RGS9: variants seen among roughly 807,000 people sequenced by gnomAD.
RGS9 encodes the protein regulator of G-protein signalling 9.
A neutral mutation model predicts 102.0 loss-of-function variants in RGS9; 78 were observed. That is an observed-to-expected ratio of 0.76 (90% confidence interval 0.64 to 0.92). The LOEUF is 0.92. RGS9 is among the 40% of genes least tolerant of loss of function. The probability of loss-of-function intolerance (pLI) is 0.00; values close to 1 mark genes in which losing one functional copy is unlikely to be tolerated. For missense variants in RGS9, 833 were observed against 866.1 expected (o/e 0.96, Z 0.48); for synonymous variants, 353 against 318.6 (o/e 1.11, Z -1.15).
At chr17:65,171,031 T>C (rs1911398600) in intron 8 of RGS9, among the ~76,000 whole-genome samples, 1 of 152,038 alleles carries the variant, frequency 6.6e-6, no homozygotes, top group African/African-American at 2.4e-5. Context: ...AAACAAACCG[T>C]CAGTTCAATG....
At chr17:65,158,717 T>C in intron 3 of RGS9, 1 of 377,192 alleles carries the variant, frequency 2.7e-6, no homozygotes, top group Admixed American at 3.7e-5. Flanking sequence ...AGAAATGGAA[T>C]GAGTGGAAAG....
chr17:65,178,121 T>C (rs114441492), intron 9 of RGS9, among the ~76,000 whole-genome samples: 148 of 152,286 alleles, frequency 9.7e-4, no homozygotes, highest in African/African-American at 3.4e-3. Context: ...AGTTATGAGC[T>C]CATTCCACTC....
At chr17:65,222,079 A>G (rs1913722413) in intron 17 of RGS9, among the ~76,000 whole-genome samples, 1 of 152,218 alleles carries the variant, frequency 6.6e-6, no homozygotes, top group South Asian at 2.1e-4. Flanking sequence ...TTCCAAGCTC[A>G]TTTGGGTTGC....
chr17:65,226,674 G>GTAA, intron 18 of RGS9, among the ~76,000 whole-genome samples: 1 of 150,778 alleles, frequency 6.6e-6, no homozygotes, highest in South Asian at 2.1e-4. Flanking sequence ...GTGCAGTGGT[G>GTAA]TAATCTTGGC....
intron 11 of RGS9, among the ~76,000 whole-genome samples, chr17:65,193,022 C>T (rs933102114): frequency 2.6e-5 from 4 of 151,290 alleles, no homozygotes; most frequent in Admixed American, 6.6e-5. Context: ...CCCAGCACTT[C>T]GGGAGACTGA....
intron 2 of RGS9, among the ~76,000 whole-genome samples, chr17:65,154,665 A>G (rs1910703854): frequency 6.6e-6 from 1 of 152,184 alleles, no homozygotes; most frequent in Non-Finnish European, 1.5e-5. Context: ...AGGTGCCTAC[A>G]GAGCATCATT....
chr17:65,160,164 G>T (rs553913216), intron 3 of RGS9, 69 bp from the exon 4 acceptor site: 33 of 1,241,882 alleles, frequency 2.7e-5, no homozygotes, highest in Middle Eastern at 4.1e-4. Context: ...TTGGGGTGCC[G>T]TGGGGGCCGG....
intron 1 of RGS9, 41 bp from the exon 2 acceptor site, chr17:65,153,381 A>G (rs1910653530): frequency 6.4e-7 from 1 of 1,556,768 alleles, no homozygotes; most frequent in Non-Finnish European, 8.9e-7. Flanking sequence ...AACTTTCAAA[A>G]TTGTTCTCGT....
chr17:65,160,632 G>T, intron 5 of RGS9, 45 bp downstream of exon 5: 1 of 1,595,958 alleles, frequency 6.3e-7, no homozygotes, highest in Non-Finnish European at 8.6e-7. Flanking sequence ...TGCTTAACAT[G>T]CTGCTTATTT....
At chr17:65,202,221 C>T in intron 14 of RGS9, 141 bp downstream of exon 14, 2 of 672,998 alleles carry the variant, frequency 3.0e-6, no homozygotes, top group Non-Finnish European at 5.5e-6. Context: ...ACTGTACTTG[C>T]CATGCTAGAA....
At chr17:65,225,633 A>G in intron 18 of RGS9, 147 bp downstream of exon 18, 1 of 1,146,658 alleles carries the variant, frequency 8.7e-7, no homozygotes, top group East Asian at 2.5e-5. Flanking sequence ...TGGCCACTGG[A>G]AGATATTCAG....
intron 10 of RGS9, among the ~76,000 whole-genome samples, chr17:65,189,894 G>A (rs930959135): frequency 6.6e-6 from 1 of 152,170 alleles, no homozygotes; most frequent in South Asian, 2.1e-4. Context: ...AAAGCCAAGC[G>A]TTTGTCCCCG....
chr17:65,196,146 A>G (rs1368543732), intron 12 of RGS9, among the ~76,000 whole-genome samples: 3 of 152,236 alleles, frequency 2.0e-5, no homozygotes, highest in Non-Finnish European at 2.9e-5. Flanking sequence ...TACTCAATTC[A>G]TAGTGTTCTT....
intron 9 of RGS9, among the ~76,000 whole-genome samples, chr17:65,184,265 A>G (rs1424726447): frequency 6.6e-6 from 1 of 152,180 alleles, no homozygotes; most frequent in Non-Finnish European, 1.5e-5. Context: ...TAATATTGAT[A>G]GTAGGTTTGA....
intron 7 of RGS9, among the ~76,000 whole-genome samples, chr17:65,164,462 C>A (rs953616736): frequency 6.6e-6 from 1 of 152,120 alleles, no homozygotes. Flanking sequence ...CAGTGATTAC[C>A]AAAACCGATG....
At chr17:65,146,564 C>A (rs1388708487) in intron 1 of RGS9, among the ~76,000 whole-genome samples, 1 of 140,124 alleles carries the variant, frequency 7.1e-6, no homozygotes, top group African/African-American at 2.8e-5. Flanking sequence ...TCCAGCTTGG[C>A]GACAGAGCAA....
At chr17:65,139,608 C>A (rs542665492) in intron 1 of RGS9, among the ~76,000 whole-genome samples, 2 of 152,202 alleles carry the variant, frequency 1.3e-5, no homozygotes, top group Admixed American at 1.3e-4. Context: ...CTTTCTCCCC[C>A]TCTCGCTTGC....
intron 6 of RGS9, 108 bp from the exon 7 acceptor site, chr17:65,162,905 G>C (rs1361158520): frequency 1.4e-6 from 1 of 705,052 alleles, no homozygotes; most frequent in East Asian, 2.8e-5. Flanking sequence ...CTGGGTCCAT[G>C]GTTGCCATGA....
chr17:65,147,950 TCAAAACTTTAAGTG>T (rs1468787005), intron 1 of RGS9, among the ~76,000 whole-genome samples: 1 of 152,194 alleles, frequency 6.6e-6, no homozygotes, highest in Non-Finnish European at 1.5e-5. Flanking sequence ...ATCTACCCTT[TCAAAACTTTAAGTG>T]CACAATACAA....
Sources: allele counts gnomAD v4.1 joint callset (sites outside exome capture counted in the v4.1 genomes callset), GRCh38; gene constraint gnomAD v4.1.1; transcripts MANE v1.5; gene names NCBI Gene and HGNC (gene_info 2026-07-23, HGNC 2026-07-21).